Variants in TREM1 observed in about 807,000 individuals in gnomAD.
TREM1 encodes the protein triggering receptor expressed on monocytes 1.
Under a neutral mutation model 22.4 loss-of-function variants are expected in TREM1, and 16 were observed. That is an observed-to-expected ratio of 0.71 (90% CI 0.48 to 1.08). The LOEUF (loss-of-function observed/expected upper bound fraction) is 1.08. TREM1 is among the 50% of genes least tolerant of loss of function. The pLI, the probability that TREM1 is intolerant of heterozygous loss-of-function variation, is 0.00. For missense variants in TREM1, 283 were observed against 282.9 expected, an observed-to-expected ratio of 1.00 and a Z score of 0.00; for synonymous variants, 110 against 111.6, an observed-to-expected ratio of 0.99 and a Z score of 0.09.
Position 41,284,858 on chromosome 6 carries a change from T to C in TREM1, c.49+1749A>G, listed in dbSNP as rs566579875. Among the ~76,000 whole-genome samples the C allele has an allele frequency of 8.5e-5, 13 of 152,304 alleles. No homozygotes were observed. In the South Asian group the frequency reaches 2.5e-3, roughly 29 times the overall value. Reference sequence around the variant, plus strand: ...GTTCTTCTGGGAGCAGACTCCAGTTTCTAGGGAAACCTCGGAAACAGACCT... The same window carrying C: ...GTTCTTCTGGGAGCAGACTCCAGTTCCTAGGGAAACCTCGGAAACAGACCT... On this transcript the variant is annotated intron_variant, in intron 1 of 3. Coordinates refer to ENST00000244709, the MANE Select transcript of TREM1 (RefSeq NM_018643.5).
chr6:41,271,320 G>C (rs1463498753), downstream of TREM1, among the ~76,000 whole-genome samples: 1 of 152,124 alleles, frequency 6.6e-6, no homozygotes, highest in East Asian at 1.9e-4. Context: ...CTGTGAGTCG[G>C]TTCCATTTAC....
At chr6:41,278,291 T>G (rs1767751144) in intron 3 of TREM1, among the ~76,000 whole-genome samples, 1 of 152,264 alleles carries the variant, frequency 6.6e-6, no homozygotes, top group East Asian at 1.9e-4. Context: ...AGGGTGATAG[T>G]GGCTACCTCT....
At chr6:41,280,425 TA>T (rs1469057806) in intron 3 of TREM1, 4 of 991,556 alleles carry the variant, frequency 4.0e-6, no homozygotes, top group East Asian at 1.1e-4. Flanking sequence ...CAATGTTATT[TA>T]AAAAACAATA....
At position 41,268,391 on chromosome 6, in the gene TREM1, G is replaced by T. The variant is rs77713842; in HGVS notation, c.600-303C>A. 2.2e-4 allele frequency among the ~76,000 whole-genome samples: 33 copies of T among 152,252 alleles called. No individual in the cohort carries two copies. In the East Asian group the frequency reaches 5.8e-3, roughly 27 times the overall value. Reference sequence around the variant, plus strand: ...ATACAGTTCTCATTTAACAGTATGCGCTCAGTCTTTCTCAACCATTTCTCT... The same window carrying T: ...ATACAGTTCTCATTTAACAGTATGCTCTCAGTCTTTCTCAACCATTTCTCT... On this transcript the variant is annotated intron_variant, in intron 3 of 3. Coordinates refer to the TREM1 transcript ENST00000589614.
At chr6:41,282,081 G>A (rs781630137) in intron 2 of TREM1, 10 of 294,520 alleles carry the variant, frequency 3.4e-5, no homozygotes, top group East Asian at 2.0e-4. Flanking sequence ...GCCACCAAAC[G>A]CATCCTTGGG....
chr6:41,279,018 C>A lies in TREM1; in HGVS notation c.599+1943G>T, dbSNP rs1767787654. 2.6e-5 allele frequency among the ~76,000 whole-genome samples: 4 copies of A among 152,132 alleles called. No individual in the cohort carries two copies. The South Asian group carries it at 8.3e-4, about 32-fold the overall frequency. ...TCTAAAGCTAAAACAAAAGGAAAAACCCCATCTCCCCATGCCCCAGCAGCA... is the reference window on the plus strand; with the variant it reads ...TCTAAAGCTAAAACAAAAGGAAAAAACCCATCTCCCCATGCCCCAGCAGCA... On this transcript the variant is annotated intron_variant, in intron 3 of 3. Transcript: ENST00000244709.
downstream of TREM1, among the ~76,000 whole-genome samples, chr6:41,270,446 A>ATATATATATAT (rs1325572554): frequency 3.5e-5 from 5 of 144,074 alleles, no homozygotes; most frequent in African/African-American, 1.4e-4. Flanking sequence ...GATATTATAT[A>ATATATATATAT]ATATATATAT....
intron 1 of TREM1, among the ~76,000 whole-genome samples, chr6:41,284,426 C>T (rs1171646283): frequency 1.3e-5 from 2 of 152,120 alleles, no homozygotes; most frequent in Non-Finnish European, 2.9e-5. Context: ...TGGGGATGCT[C>T]ATCTGGCCTT....
intron 1 of TREM1, among the ~76,000 whole-genome samples, chr6:41,285,372 C>T (rs1388766326): frequency 2.0e-5 from 3 of 152,120 alleles, no homozygotes; most frequent in African/African-American, 7.2e-5. Flanking sequence ...AAAGTTGACA[C>T]CATTATTCTC....
At chr6:41,269,747 C>T (rs1198640661), downstream of TREM1, 1 of 152,190 alleles carries the variant, frequency 6.6e-6, no homozygotes, top group East Asian at 1.9e-4. Flanking sequence ...TGGTTTCAGG[C>T]CTGCAACTTT....
chr6:41,285,606 T>G (rs1768130942), intron 1 of TREM1, among the ~76,000 whole-genome samples: 1 of 152,208 alleles, frequency 6.6e-6, no homozygotes, highest in Admixed American at 6.5e-5. Flanking sequence ...ACCCCTAACC[T>G]ATCCCCACAG....
In TREM1 at chr6:41,274,406, CCCCT is replaced by C. The variant is rs1245956028; in HGVS notation, c.*1715_*1718del. 6.6e-6 allele frequency among the ~76,000 whole-genome samples: 1 copy of C among 152,052 alleles called. No individual in the cohort carries two copies. The highest frequency in any genetic ancestry group is 1.5e-5 in the Non-Finnish European group (1 of 68,024). On this transcript the variant is annotated 3_prime_UTR_variant, in exon 4 of 4. Transcript: ENST00000244709. ...CCTAGAGTGTATTTAATGATAATAC[CCCCT>C]TGCCCTGGTCACTTTGTCAACTTCA...
intron 1 of TREM1, among the ~76,000 whole-genome samples, chr6:41,283,727 C>G (rs1768035841): frequency 6.6e-6 from 1 of 151,412 alleles, no homozygotes; most frequent in Admixed American, 6.6e-5. Flanking sequence ...AAAACACACA[C>G]ACACACACAC....
intron 3 of TREM1, chr6:41,280,438 G>A (rs1767858330): frequency 3.0e-6 from 3 of 994,282 alleles, no homozygotes; most frequent in African/African-American, 3.5e-5. Flanking sequence ...AAAACAATAA[G>A]GCAAAAACCA....
chr6:41,285,967 T>C (rs543933667), intron 1 of TREM1, among the ~76,000 whole-genome samples: 1 of 152,028 alleles, frequency 6.6e-6, no homozygotes, highest in East Asian at 1.9e-4. Context: ...GGAGGAGGAG[T>C]GAATAAAGCC....
At chr6:41,282,829 C>T (rs1326330382) in intron 1 of TREM1, 78 bp from the exon 2 acceptor site, 37 of 1,338,334 alleles carry the variant, frequency 2.8e-5, no homozygotes, top group Non-Finnish European at 3.8e-5. Flanking sequence ...AGAGGAGCCC[C>T]CTGTTTTTCT....
intron 3 of TREM1, chr6:41,280,401 T>C: frequency 1.0e-6 from 1 of 990,226 alleles, no homozygotes; most frequent in Non-Finnish European, 1.2e-6. Flanking sequence ...TTATCTATAA[T>C]TGGGCACATG....
intron 3 of TREM1, chr6:41,279,624 C>G: frequency 1.2e-5 from 12 of 985,332 alleles, no homozygotes; most frequent in Non-Finnish European, 1.3e-5. Flanking sequence ...ACTGCCACTA[C>G]CCATATGGAG....
chr6:41,276,540 A>G (rs1179174828), intron 3 of TREM1, among the ~76,000 whole-genome samples: 1 of 152,102 alleles, frequency 6.6e-6, no homozygotes, highest in Non-Finnish European at 1.5e-5. Flanking sequence ...CCCGCTCTCT[A>G]TTCTCAGTAC....
Sources: gnomAD v4.1 joint callset for allele counts (sites outside exome capture counted in the v4.1 genomes callset) on GRCh38, gnomAD v4.1.1 for gene constraint, MANE v1.5 for transcripts, NCBI Gene and HGNC (gene_info 2026-07-23, HGNC 2026-07-21) for gene names.